IMMP2L: variants seen among roughly 807,000 people sequenced by gnomAD.
The protein encoded by IMMP2L is inner mitochondrial membrane peptidase subunit 2.
A neutral mutation model predicts 19.3 loss-of-function variants in IMMP2L; 18 were observed. That is an observed-to-expected ratio of 0.93 (90% CI 0.64 to 1.38). IMMP2L has a LOEUF of 1.38. IMMP2L is among the 40% of genes most tolerant of loss of function. The pLI is 0.00. For missense variants in IMMP2L, 233 were observed against 218.2 expected, an observed-to-expected ratio of 1.07 and a Z score of -0.43; for synonymous variants, 76 against 73.0, an observed-to-expected ratio of 1.04 and a Z score of -0.21.
chr7:111,475,635 C>T (rs556550104), intron 3 of IMMP2L, among the ~76,000 whole-genome samples: 1 of 151,878 alleles, frequency 6.6e-6, no homozygotes, highest in Non-Finnish European at 1.5e-5. Flanking sequence ...ATAACCAGAA[C>T]AAAATTAACC....
chr7:111,399,290 A>C (rs1342495741), intron 3 of IMMP2L, among the ~76,000 whole-genome samples: 1 of 152,116 alleles, frequency 6.6e-6, no homozygotes. Context: ...AGGCACATAG[A>C]CCAATGGAAC....
At chr7:111,142,902 G>A (rs1803084805) in intron 3 of IMMP2L, among the ~76,000 whole-genome samples, 1 of 152,080 alleles carries the variant, frequency 6.6e-6, no homozygotes, top group African/African-American at 2.4e-5. Context: ...TTTAGATAGT[G>A]ATATCTTTTA....
intron 1 of IMMP2L, among the ~76,000 whole-genome samples, chr7:111,546,913 C>G (rs538408076): frequency 9.2e-5 from 14 of 152,144 alleles, no homozygotes; most frequent in Middle Eastern, 3.4e-3. Context: ...AACAAAGGCC[C>G]AGGTAACGAG....
At chr7:110,737,299 T>C (rs1796700846) in intron 5 of IMMP2L, among the ~76,000 whole-genome samples, 1 of 152,190 alleles carries the variant, frequency 6.6e-6, no homozygotes, top group Non-Finnish European at 1.5e-5. Flanking sequence ...CCCTGGTCAC[T>C]GGCTGCCTGG....
intron 3 of IMMP2L, among the ~76,000 whole-genome samples, chr7:111,425,689 A>T (rs961501635): frequency 2.0e-5 from 3 of 151,148 alleles, no homozygotes; most frequent in African/African-American, 7.3e-5. Context: ...AAATTTAAAA[A>T]GTCATTTCTC....
At chr7:111,511,394 C>A (rs1262121098) in intron 2 of IMMP2L, among the ~76,000 whole-genome samples, 1 of 152,016 alleles carries the variant, frequency 6.6e-6, no homozygotes, top group Admixed American at 6.6e-5. Context: ...ACCTGTAATC[C>A]AGCACTTTGG....
chr7:111,458,204 C>A (rs1274983451), intron 3 of IMMP2L, among the ~76,000 whole-genome samples: 2 of 152,018 alleles, frequency 1.3e-5, no homozygotes, highest in Non-Finnish European at 2.9e-5. Context: ...CATGGTGAAA[C>A]CCCATCTCCA....
chr7:111,355,146 T>C (rs1437696979), intron 3 of IMMP2L, among the ~76,000 whole-genome samples: 1 of 151,896 alleles, frequency 6.6e-6, no homozygotes, highest in East Asian at 1.9e-4. Context: ...ACAGTTTTTA[T>C]TGAATATAAA....
chr7:111,016,754 TAA>T (rs1252847439), intron 3 of IMMP2L, among the ~76,000 whole-genome samples: 4 of 96,658 alleles, frequency 4.1e-5, no homozygotes, highest in Non-Finnish European at 3.6e-5. Flanking sequence ...ATATATTATA[TAA>T]ATATAGTTTA....
At chr7:110,825,988 C>T (rs1171649523) in intron 5 of IMMP2L, among the ~76,000 whole-genome samples, 1 of 151,982 alleles carries the variant, frequency 6.6e-6, no homozygotes, top group Non-Finnish European at 1.5e-5. Context: ...AACAAATTTA[C>T]AAGAAAAAAA....
intron 1 of IMMP2L, among the ~76,000 whole-genome samples, chr7:111,560,516 G>A (rs1791914918): frequency 6.6e-6 from 1 of 152,096 alleles, no homozygotes. Context: ...AAATCATCAA[G>A]GTCAGCCATC....
chr7:110,772,007 G>T (rs944665147), intron 5 of IMMP2L, among the ~76,000 whole-genome samples: 3 of 152,092 alleles, frequency 2.0e-5, no homozygotes, highest in Non-Finnish European at 4.4e-5. Flanking sequence ...TCCTGGGATC[G>T]GGGCTTTCTT....
rs112957299 is a variant in IMMP2L, at chr7:111,023,370, C to T, written c.240-59805G>A. Among the ~76,000 whole-genome samples, 95 of 152,138 alleles carry T rather than the reference C, an allele frequency of 6.2e-4. 1 individual carries two copies. Among genetic ancestry groups the T allele is most frequent in the African/African-American group, 2.2e-3 (90 of 41,512 alleles). On this transcript the variant is annotated intron_variant, in intron 3 of 5. Coordinates refer to ENST00000405709, the MANE Select transcript of IMMP2L (RefSeq NM_032549.4). Reference sequence around the variant, plus strand: ...CACATAAACAAATCATCTAGACTAGCGTGGCTCAAAATGCTCCTTTCAAAC... The same window carrying T: ...CACATAAACAAATCATCTAGACTAGTGTGGCTCAAAATGCTCCTTTCAAAC...
chr7:111,269,350 G>A (rs1441236406), intron 3 of IMMP2L, among the ~76,000 whole-genome samples: 1 of 152,050 alleles, frequency 6.6e-6, no homozygotes, highest in Non-Finnish European at 1.5e-5. Context: ...TTATTCATAT[G>A]GAAAGACTGA....
chr7:111,533,048 T>C (rs1050304281), intron 1 of IMMP2L, among the ~76,000 whole-genome samples: 1 of 152,260 alleles, frequency 6.6e-6, no homozygotes, highest in East Asian at 1.9e-4. Context: ...AAGGCCAAGT[T>C]AGCAGCATAT....
intron 3 of IMMP2L, among the ~76,000 whole-genome samples, chr7:111,068,283 G>T (rs1029103496): frequency 6.6e-6 from 1 of 151,892 alleles, no homozygotes; most frequent in Non-Finnish European, 1.5e-5. Flanking sequence ...TGTGACTGAT[G>T]GGCAGCATTT....
chr7:111,089,550 T>C (rs1796637826), intron 3 of IMMP2L, among the ~76,000 whole-genome samples: 1 of 152,088 alleles, frequency 6.6e-6, no homozygotes, highest in African/African-American at 2.4e-5. Context: ...AGGATGATTA[T>C]TACTATTATT....
At chr7:111,546,605 T>G (rs1848956219) in intron 1 of IMMP2L, among the ~76,000 whole-genome samples, 2 of 152,116 alleles carry the variant, frequency 1.3e-5, no homozygotes, top group African/African-American at 4.8e-5. Flanking sequence ...AATTCTCAAA[T>G]TTAGGAACAA....
At chr7:111,257,206 T>C (rs923098400) in intron 3 of IMMP2L, among the ~76,000 whole-genome samples, 9 of 152,104 alleles carry the variant, frequency 5.9e-5, no homozygotes, top group African/African-American at 2.2e-4. Flanking sequence ...ACAGCTGTCA[T>C]ACTAAAAGAG....
Sources: gnomAD v4.1 joint callset for allele counts (sites outside exome capture counted in the v4.1 genomes callset) on GRCh38, gnomAD v4.1.1 for gene constraint, MANE v1.5 for transcripts, NCBI Gene and HGNC (gene_info 2026-07-23, HGNC 2026-07-21) for gene names.